Variants in LHX8 observed in about 807,000 individuals in gnomAD.
LHX8 encodes the protein LIM homeobox 8.
Under a neutral mutation model 40.3 loss-of-function variants are expected in LHX8, and 12 were observed. The observed-to-expected ratio is 0.30, with a 90% CI of 0.19 to 0.48. LHX8 has a LOEUF of 0.48. Ranked by LOEUF, LHX8 falls within the 20% of genes least tolerant of loss-of-function variation. The probability of loss-of-function intolerance (pLI) is 0.99; values close to 1 mark genes in which losing one functional copy is unlikely to be tolerated. For synonymous variants in LHX8, 179 were observed against 162.0 expected (o/e 1.10, Z -0.80); for missense variants, 344 against 433.7 (o/e 0.79, Z 1.84).
chr1:75,177,372 C>T, the LHX8 span, among the ~76,000 whole-genome samples: 1 of 152,164 alleles, frequency 6.6e-6, no homozygotes, highest in African/African-American at 2.4e-5. Context: ...TGTAGTTCTC[C>T]TTGAAGAGGT....
At chr1:75,129,653 ATC>A (rs1408548901), upstream of LHX8, among the ~76,000 whole-genome samples, 1 of 152,170 alleles carries the variant, frequency 6.6e-6, no homozygotes, top group Non-Finnish European at 1.5e-5. Context: ...CCTCTCACCT[ATC>A]CCCAGAAACC....
intron 1 of LHX8, among the ~76,000 whole-genome samples, chr1:75,128,956 AG>A (rs1451995825): frequency 1.3e-5 from 2 of 152,194 alleles, no homozygotes; most frequent in Admixed American, 6.5e-5. Context: ...AACTCGCTGA[AG>A]AACATTGACC....
chr1:75,199,119 G>A, the LHX8 span, among the ~76,000 whole-genome samples: 1 of 152,130 alleles, frequency 6.6e-6, no homozygotes, highest in African/African-American at 2.4e-5. Context: ...AATTTTATTT[G>A]CTTAATTATT....
At chr1:75,199,220 A>G in the LHX8 span, among the ~76,000 whole-genome samples, 1 of 152,138 alleles carries the variant, frequency 6.6e-6, no homozygotes, top group South Asian at 2.1e-4. Flanking sequence ...GCCCTCTTGG[A>G]TCCCACTAGA....
At chr1:75,199,411 T>C in the LHX8 span, among the ~76,000 whole-genome samples, 1 of 152,230 alleles carries the variant, frequency 6.6e-6, no homozygotes, top group Non-Finnish European at 1.5e-5. Context: ...TCCACGTTAA[T>C]TTGTAAGTAC....
chr1:75,181,232 T>C, the LHX8 span, among the ~76,000 whole-genome samples: 9 of 152,202 alleles, frequency 5.9e-5, no homozygotes, highest in Admixed American at 5.2e-4. Flanking sequence ...GGAGAACCAC[T>C]GCTCTCTTCA....
the LHX8 span, among the ~76,000 whole-genome samples, chr1:75,190,261 C>A: frequency 6.6e-6 from 1 of 152,146 alleles, no homozygotes; most frequent in Admixed American, 6.6e-5. Context: ...TTCTTTATAA[C>A]CTAAAAGTCA....
At chr1:75,141,209 A>G in intron 4 of LHX8, 103 bp downstream of exon 4, 1 of 1,262,038 alleles carries the variant, frequency 7.9e-7, no homozygotes, top group Non-Finnish European at 1.1e-6. Context: ...AATGAAGCCC[A>G]GTTTTTCTTA....
chr1:75,165,076 TC>T (rs1457950895), downstream of LHX8, among the ~76,000 whole-genome samples: 2 of 152,200 alleles, frequency 1.3e-5, no homozygotes, highest in African/African-American at 4.8e-5. Context: ...AAGTGAGCAT[TC>T]ATTAGGATTT....
At chr1:75,190,288 C>CT in the LHX8 span, among the ~76,000 whole-genome samples, 2 of 152,184 alleles carry the variant, frequency 1.3e-5, no homozygotes, top group Non-Finnish European at 2.9e-5. Context: ...TTTAAATAGA[C>CT]TTTTTTGGGG....
chr1:75,161,771 G>T (rs1250602495), downstream of LHX8, among the ~76,000 whole-genome samples: 1 of 151,914 alleles, frequency 6.6e-6, no homozygotes, highest in Non-Finnish European at 1.5e-5. Context: ...TTTTCAGAAT[G>T]GACTTCGGAG....
At chr1:75,181,023 G>A in the LHX8 span, among the ~76,000 whole-genome samples, 2 of 126,760 alleles carry the variant, frequency 1.6e-5, no homozygotes, top group East Asian at 2.0e-4. Context: ...ACCAGCGTAG[G>A]TGCAAAACAG....
At chr1:75,188,986 G>A in the LHX8 span, among the ~76,000 whole-genome samples, 1 of 151,950 alleles carries the variant, frequency 6.6e-6, no homozygotes, top group Non-Finnish European at 1.5e-5. Flanking sequence ...TACATATTTT[G>A]CATTGACTTT....
Position 75,161,402 on chromosome 1 carries a change from C to T in LHX8, c.*507C>T, listed in dbSNP as rs1376619711. On this transcript the variant is annotated 3_prime_UTR_variant, in exon 9 of 9. Transcript: ENST00000356261. ...TTTCTGAATGAACTGAATAAAGCTT[C>T]TGTTGTAGCATGCCATGCAAACACA... 6.1e-6 allele frequency: 1 copy of T among 164,996 alleles called. No homozygotes were observed. The highest frequency in any genetic ancestry group is 2.4e-5 in the African/African-American group (1 of 41,506). 10.2% of individuals were successfully genotyped at this position (164,996 alleles called of 1,614,324 possible).
At chr1:75,176,500 C>A in the LHX8 span, among the ~76,000 whole-genome samples, 1 of 152,134 alleles carries the variant, frequency 6.6e-6, no homozygotes, top group African/African-American at 2.4e-5. Flanking sequence ...ATATCCTTTG[C>A]CCACTTTTTG....
At chr1:75,152,194 A>G (rs1273989605) in intron 7 of LHX8, among the ~76,000 whole-genome samples, 1 of 152,226 alleles carries the variant, frequency 6.6e-6, no homozygotes, top group East Asian at 1.9e-4. Flanking sequence ...TTTTATTACT[A>G]GACTTCTTCT....
At position 75,152,207 on chromosome 1, in the gene LHX8, T is replaced by C. The variant is rs533665692; in HGVS notation, c.780+3525T>C. Among the ~76,000 whole-genome samples the C allele has an allele frequency of 7.9e-4, 120 of 152,318 alleles. 1 individual carries two copies. The highest frequency in any genetic ancestry group is 2.6e-3 in the African/African-American group (110 of 41,578). On this transcript the variant is annotated intron_variant, in intron 7 of 8. Coordinates refer to ENST00000356261, the MANE Select transcript of LHX8 (RefSeq NM_001256114.2). Reference sequence around the variant, plus strand: ...GTTTTTATTACTAGACTTCTTCTAATATGCAAACTAGGTCACCCAAAGATT... The same window carrying C: ...GTTTTTATTACTAGACTTCTTCTAACATGCAAACTAGGTCACCCAAAGATT...
chr1:75,137,173 G>A lies in LHX8; in HGVS notation c.149G>A (p.Arg50Gln), dbSNP rs1193593018. The A allele has an allele frequency of 6.2e-7, 1 of 1,613,428 alleles. No individual in the cohort carries two copies. The highest frequency in any genetic ancestry group is 8.5e-7 in the Non-Finnish European group (1 of 1,179,888). The change falls in exon 3 of 9, where the codon CGG becomes CAG. Residue 50 changes from arginine to glutamine, a missense_variant. Physicochemically the swap from Arg to Gln is conservative, Grantham distance 43 (BLOSUM62 1). Coordinates refer to ENST00000356261, the MANE Select transcript of LHX8 (RefSeq NM_001256114.2). ...SAPLSPSSSPRSMASGSGCPP... is the reference protein window; with the variant it reads ...SAPLSPSSSPQSMASGSGCPP... ...CCGCTGTCCCCGTCGTCCTCGCCCCGGTCCATGGCCTCGGGCTCCGGCTGC... is the reference window on the plus strand; with the variant it reads ...CCGCTGTCCCCGTCGTCCTCGCCCCAGTCCATGGCCTCGGGCTCCGGCTGC...
the LHX8 span, among the ~76,000 whole-genome samples, chr1:75,188,716 T>A: frequency 0.24 from 35,978 of 152,122 alleles, 4,660 homozygotes; most frequent in Middle Eastern, 0.35. Flanking sequence ...GAAATGATAA[T>A]GCTCCGAACA....
Sources: allele counts gnomAD v4.1 joint callset (sites outside exome capture counted in the v4.1 genomes callset), GRCh38; gene constraint gnomAD v4.1.1; transcripts MANE v1.5; gene names NCBI Gene and HGNC (gene_info 2026-07-23, HGNC 2026-07-21).